Variants in STXBP4 observed in about 807,000 individuals in gnomAD.
STXBP4 encodes syntaxin-binding protein 4.
Under a neutral mutation model 76.1 loss-of-function variants are expected in STXBP4, and 55 were observed. That is an observed-to-expected ratio of 0.72 (90% CI 0.58 to 0.91). The LOEUF is 0.91. STXBP4 is among the 40% of genes least tolerant of loss of function. The pLI is 0.00. For missense variants in STXBP4, 618 were observed against 636.9 expected (o/e 0.97, Z 0.32); for synonymous variants, 201 against 220.2 (o/e 0.91, Z 0.77).
chr17:55,133,317 T>C (rs553245893), intron 16 of STXBP4, among the ~76,000 whole-genome samples: 1 of 151,854 alleles, frequency 6.6e-6, no homozygotes, highest in South Asian at 2.1e-4. Flanking sequence ...TAGAAATTGA[T>C]GGGGAGAGCT....
intron 10 of STXBP4, among the ~76,000 whole-genome samples, chr17:55,035,752 C>T (rs1365253101): frequency 6.6e-6 from 1 of 151,912 alleles, no homozygotes; most frequent in South Asian, 2.1e-4. Flanking sequence ...CATGCCAGCT[C>T]TGTCCCTTAT....
chr17:55,026,483 C>A (rs1161210154), intron 8 of STXBP4, among the ~76,000 whole-genome samples: 1 of 152,050 alleles, frequency 6.6e-6, no homozygotes, highest in African/African-American at 2.4e-5. Flanking sequence ...GAATAAAACC[C>A]CGAAACCCTT....
At chr17:55,049,820 A>G (rs1297713262) in intron 12 of STXBP4, among the ~76,000 whole-genome samples, 1 of 152,046 alleles carries the variant, frequency 6.6e-6, no homozygotes, top group Non-Finnish European at 1.5e-5. Context: ...TAAAGATAGA[A>G]AGCCTAAAAG....
chr17:55,033,890 A>G (rs576849469), intron 9 of STXBP4, among the ~76,000 whole-genome samples: 22 of 152,176 alleles, frequency 1.4e-4, no homozygotes, highest in Non-Finnish European at 3.2e-4. Context: ...AAAAAGTTCT[A>G]CTCATAATAC....
At chr17:55,152,935 G>A (rs1479870246) in intron 17 of STXBP4, among the ~76,000 whole-genome samples, 2 of 152,020 alleles carry the variant, frequency 1.3e-5, no homozygotes, top group East Asian at 3.9e-4. Context: ...CTTTCAGATG[G>A]TCACTTAATC....
intron 16 of STXBP4, among the ~76,000 whole-genome samples, chr17:55,119,403 T>G (rs1317486533): frequency 6.6e-6 from 1 of 152,104 alleles, no homozygotes; most frequent in East Asian, 1.9e-4. Flanking sequence ...TGTGAAAGAT[T>G]GGGAGAAAAT....
the STXBP4 span, among the ~76,000 whole-genome samples, chr17:55,198,811 A>G: frequency 1.3e-5 from 2 of 152,210 alleles, no homozygotes; most frequent in Non-Finnish European, 2.9e-5. Flanking sequence ...CTCAGAAACC[A>G]TTGTGGCATA....
chr17:55,071,622 G>A (rs1242122872), intron 12 of STXBP4, among the ~76,000 whole-genome samples: 1 of 152,118 alleles, frequency 6.6e-6, no homozygotes, highest in Non-Finnish European at 1.5e-5. Flanking sequence ...AAGAGGGAAG[G>A]CTTTTTGTCT....
In STXBP4 at chr17:55,031,194, CA is replaced by C; in HGVS notation, c.694del (p.Thr232GlnfsTer8). 6.2e-7 allele frequency: 1 copy of C among 1,613,050 alleles called. No homozygotes were observed. The highest frequency in any genetic ancestry group is 1.7e-4 in the Middle Eastern group (1 of 6,058). On this transcript the variant is annotated frameshift_variant, in exon 9 of 18. Transcript: ENST00000376352. LOFTEE classifies it high-confidence loss of function. ...CTCTAAATTATCTTGGTATTCAGCC[CA>C]CAAAGGAACAACACCAAGCCCTGAG... is the stretch of plus-strand genomic sequence containing the variant. ...MALNYLGIQP[T>X]KEQHQALRQQ...
intron 16 of STXBP4, among the ~76,000 whole-genome samples, chr17:55,092,450 CA>C (rs1177189167): frequency 6.6e-6 from 1 of 152,090 alleles, no homozygotes; most frequent in Non-Finnish European, 1.5e-5. Flanking sequence ...TAGTAGGTCT[CA>C]TTACTCTGAA....
intron 16 of STXBP4, among the ~76,000 whole-genome samples, chr17:55,129,595 AAGG>A (rs1423025767): frequency 2.6e-5 from 4 of 152,088 alleles, no homozygotes; most frequent in Admixed American, 2.6e-4. Context: ...AAAAGAAAAG[AAGG>A]AGGGAGGGAG....
chr17:55,053,161 G>C (rs1286335543), intron 12 of STXBP4, among the ~76,000 whole-genome samples: 3 of 151,894 alleles, frequency 2.0e-5, no homozygotes, highest in Admixed American at 6.6e-5. Context: ...TTAAAGCATT[G>C]AATTGATGTT....
At chr17:54,993,825 A>G (rs1006636824) in intron 4 of STXBP4, among the ~76,000 whole-genome samples, 1 of 152,166 alleles carries the variant, frequency 6.6e-6, no homozygotes, top group African/African-American at 2.4e-5. Flanking sequence ...AATGTTTCAT[A>G]ATTAACAGTA....
intron 10 of STXBP4, among the ~76,000 whole-genome samples, chr17:55,041,964 TG>T (rs1378949145): frequency 3.3e-5 from 5 of 152,052 alleles, no homozygotes; most frequent in African/African-American, 1.2e-4. Flanking sequence ...TTCTTATGAG[TG>T]TTTGTGTTGA....
In STXBP4 at chr17:55,168,618, ATG is replaced by A. The variant is rs2080390349; in HGVS notation, c.*8713_*8714del. 1 of 152,138 alleles carries A rather than the reference ATG, an allele frequency of 6.6e-6. No homozygotes were observed. The highest frequency in any genetic ancestry group is 1.5e-5 in the Non-Finnish European group (1 of 68,032). 9.4% of individuals were successfully genotyped at this position (152,138 alleles called of 1,614,324 possible). A position where few individuals can be genotyped will look rare whatever the true frequency, so the allele number is the denominator to read the frequency against. On this transcript the variant is annotated 3_prime_UTR_variant, in exon 18 of 18. Transcript: ENST00000376352. ...GTTTCAGCATAGATTTTTAAAAATCATGTGTGTAAAAGAGAATGAAATATTAA... is the reference window on the plus strand; with the variant it reads ...GTTTCAGCATAGATTTTTAAAAATCATGTGTAAAAGAGAATGAAATATTAA...
chr17:54,984,465 C>T (rs1210334968), intron 1 of STXBP4, among the ~76,000 whole-genome samples: 1 of 151,440 alleles, frequency 6.6e-6, no homozygotes, highest in South Asian at 2.1e-4. Context: ...GCCTCAGCCT[C>T]CCGAGTAGCT....
At chr17:55,009,724 A>G (rs1312577160) in intron 8 of STXBP4, among the ~76,000 whole-genome samples, 3 of 152,074 alleles carry the variant, frequency 2.0e-5, no homozygotes, top group Admixed American at 1.3e-4. Flanking sequence ...TATTTAGTAG[A>G]GCATTCTTTT....
rs575097697 is a variant in STXBP4 at position 55,101,700 on chromosome 17, A to G, written c.1489+20517A>G. Among the ~76,000 whole-genome samples the G allele has an allele frequency of 5.9e-5, 9 of 152,354 alleles. No homozygotes were observed. The South Asian group carries it at 1.9e-3, about 32-fold the overall frequency. ...CATACATGATATTTATTTATGTACA[A>G]GGAAGCATGAATGAACCATGAGAAT... On this transcript the variant is annotated intron_variant, in intron 16 of 17. Coordinates refer to ENST00000376352, the MANE Select transcript of STXBP4 (RefSeq NM_178509.6).
chr17:54,990,781 A>G, intron 3 of STXBP4, 44 bp from the exon 4 acceptor site: 2 of 1,542,458 alleles, frequency 1.3e-6, no homozygotes, highest in Non-Finnish European at 1.7e-6. Flanking sequence ...AAATAGGTGC[A>G]GATCTCTAGA....
Sources: gnomAD v4.1 joint callset for allele counts (sites outside exome capture counted in the v4.1 genomes callset) on GRCh38, gnomAD v4.1.1 for gene constraint, MANE v1.5 for transcripts, NCBI Gene and HGNC (gene_info 2026-07-23, HGNC 2026-07-21) for gene names.